NPY2R: variants seen among roughly 807,000 people sequenced by gnomAD.
The protein encoded by NPY2R is neuropeptide Y receptor Y2.
In NPY2R, 17 loss-of-function variants were observed where a neutral mutation model predicts 22.3. The ratio of observed to expected loss-of-function variants is 0.76; its 90% CI spans 0.52 to 1.14. NPY2R has a LOEUF of 1.14. Among genes scored for constraint, NPY2R ranks in the 50% most tolerant of loss-of-function variants. The probability of loss-of-function intolerance (pLI) is 0.00; values close to 1 mark genes in which losing one functional copy is unlikely to be tolerated. For missense variants in NPY2R, 424 were observed against 467.9 expected, an observed-to-expected ratio of 0.91 and a Z score of 0.87; for synonymous variants, 209 against 183.4, an observed-to-expected ratio of 1.14 and a Z score of -1.13.
At chr4:155,200,423 A>T in the NPY2R span, among the ~76,000 whole-genome samples, 1 of 152,310 alleles carries the variant, frequency 6.6e-6, no homozygotes, top group East Asian at 1.9e-4. Context: ...AATTAGTTCA[A>T]ACATTGTGGA....
At chr4:155,202,666 GTA>G in the NPY2R span, among the ~76,000 whole-genome samples, 1 of 152,060 alleles carries the variant, frequency 6.6e-6, no homozygotes, top group African/African-American at 2.4e-5. Context: ...TGTGAAAACT[GTA>G]TATAAATCTT....
At chr4:155,195,525 A>G in the NPY2R span, among the ~76,000 whole-genome samples, 16,526 of 151,910 alleles carry the variant, frequency 0.11, 1,017 homozygotes, top group East Asian at 0.17. Context: ...TTAATAATCT[A>G]TTCCATATTT....
the NPY2R span, among the ~76,000 whole-genome samples, chr4:155,201,090 G>A: frequency 3.9e-5 from 6 of 152,210 alleles, no homozygotes; most frequent in South Asian, 6.2e-4. Flanking sequence ...AAAGGGATGG[G>A]TAATGATATT....
At chr4:155,201,696 T>C in the NPY2R span, among the ~76,000 whole-genome samples, 139 of 152,258 alleles carry the variant, frequency 9.1e-4, no homozygotes, top group African/African-American at 3.1e-3. Context: ...AAGTGACTTA[T>C]TTAGTTTGAC....
chr4:155,204,745 A>G (rs1222358145), upstream of NPY2R, among the ~76,000 whole-genome samples: 1 of 151,950 alleles, frequency 6.6e-6, no homozygotes, highest in Non-Finnish European at 1.5e-5. Flanking sequence ...CAAGTTAATT[A>G]AAAGTAGAGA....
intron 1 of NPY2R, among the ~76,000 whole-genome samples, chr4:155,211,121 T>C (rs1455114818): frequency 6.6e-6 from 1 of 152,216 alleles, no homozygotes; most frequent in Non-Finnish European, 1.5e-5. Flanking sequence ...TGGCTGACAT[T>C]GATTATTCAG....
chr4:155,201,918 C>T, the NPY2R span, among the ~76,000 whole-genome samples: 1 of 152,118 alleles, frequency 6.6e-6, no homozygotes, highest in East Asian at 1.9e-4. Context: ...CTTTCACTGA[C>T]TATATATGCA....
At chr4:155,204,259 G>A (rs140977771), upstream of NPY2R, among the ~76,000 whole-genome samples, 115 of 151,720 alleles carry the variant, frequency 7.6e-4, no homozygotes, top group African/African-American at 2.4e-3. Context: ...GGAAACCCTG[G>A]AATCCAAAGA....
chr4:155,210,129 G>A (rs1364605033), intron 1 of NPY2R, among the ~76,000 whole-genome samples: 1 of 152,082 alleles, frequency 6.6e-6, no homozygotes, highest in Non-Finnish European at 1.5e-5. Context: ...TTGTCTGCTT[G>A]CTGTTTCCTT....
upstream of NPY2R, chr4:155,208,116 G>A (rs1235853876): frequency 6.6e-6 from 1 of 152,232 alleles, no homozygotes; most frequent in East Asian, 1.9e-4. This position sits in a 1 kb window ranked among gnomAD's most constrained non-coding sequence, Gnocchi z 5.6. Flanking sequence ...ATTTGTTCTC[G>A]GTGCAATCCT....
chr4:155,193,290 A>C, the NPY2R span, among the ~76,000 whole-genome samples: 1 of 151,928 alleles, frequency 6.6e-6, no homozygotes, highest in Non-Finnish European at 1.5e-5. Flanking sequence ...GACTTGTCCA[A>C]CTAATTTGCC....
Position 155,214,417 on chromosome 4 carries a change from A to C in NPY2R, c.478A>C (p.Ile160Leu). Reference protein sequence around the residue: ...RCIVYHLESKISKRISFLIIG... With the variant: ...RCIVYHLESKLSKRISFLIIG... ...CATCGTCTACCACCTAGAGAGCAAG[A>C]TCTCCAAGCGAATCAGCTTCCTGAT... The change falls in exon 2 of 2, where the codon ATC (isoleucine) becomes CTC (leucine). Residue 160 changes from isoleucine to leucine, a missense_variant. By Grantham distance (5) the Ile-to-Leu change is conservative. Transcript: ENST00000329476. The C allele has an allele frequency of 1.2e-6, 2 of 1,613,988 alleles. No homozygotes were observed. Among genetic ancestry groups the C allele is most frequent in the Non-Finnish European group, 1.7e-6 (2 of 1,179,994 alleles).
At chr4:155,202,902 C>T in the NPY2R span, among the ~76,000 whole-genome samples, 1 of 152,106 alleles carries the variant, frequency 6.6e-6, no homozygotes, top group Non-Finnish European at 1.5e-5. Context: ...CATGGGTCTT[C>T]TGTGCATGTT....
At chr4:155,187,291 T>G in the NPY2R span, among the ~76,000 whole-genome samples, 1 of 152,106 alleles carries the variant, frequency 6.6e-6, no homozygotes, top group Non-Finnish European at 1.5e-5. Context: ...TAGAATAAAA[T>G]AATAAGAAAG....
At chr4:155,198,341 G>A in the NPY2R span, among the ~76,000 whole-genome samples, 60 of 150,996 alleles carry the variant, frequency 4.0e-4, no homozygotes, top group Middle Eastern at 0.01. Context: ...GCATGAATAT[G>A]AATAAATAAC....
upstream of NPY2R, chr4:155,207,593 G>C (rs1729307924): frequency 6.6e-6 from 1 of 152,292 alleles, no homozygotes; most frequent in African/African-American, 2.4e-5. Context: ...GCTTCGAATA[G>C]GGTTCCTGGG....
At chr4:155,204,593 TAAC>T (rs1729246849), upstream of NPY2R, among the ~76,000 whole-genome samples, 1 of 152,056 alleles carries the variant, frequency 6.6e-6, no homozygotes, top group Admixed American at 6.5e-5. Context: ...GTTTTGTCCA[TAAC>T]AACAATAACT....
the NPY2R span, among the ~76,000 whole-genome samples, chr4:155,192,931 G>T: frequency 6.6e-6 from 1 of 151,842 alleles, no homozygotes; most frequent in African/African-American, 2.4e-5. Flanking sequence ...CATTCATCTG[G>T]AATATCTTTT....
At chr4:155,174,694 G>A in the NPY2R span, among the ~76,000 whole-genome samples, 4 of 151,676 alleles carry the variant, frequency 2.6e-5, no homozygotes, top group Non-Finnish European at 5.9e-5. Flanking sequence ...CTGAGACACA[G>A]CCATGATAGA....
Sources: gnomAD v4.1 joint callset for allele counts (sites outside exome capture counted in the v4.1 genomes callset) on GRCh38, gnomAD v4.1.1 for gene constraint, Gnocchi (gnomAD v3.1) non-coding constraint, MANE v1.5 for transcripts, NCBI Gene and HGNC (gene_info 2026-07-23, HGNC 2026-07-21) for gene names.